The following ZNF727 variants were observed in gnomAD, a reference collection of about 807,000 sequenced individuals.
The protein encoded by ZNF727 is zinc finger protein 727.
Under a neutral mutation model 11.5 loss-of-function variants are expected in ZNF727, and 11 were observed. The observed-to-expected ratio is 0.95, with a 90% confidence interval of 0.60 to 1.58. The LOEUF (loss-of-function observed/expected upper bound fraction) is 1.58. ZNF727 is among the 40% of genes most tolerant of loss of function. ZNF727 has a pLI of 0.00. For synonymous variants in ZNF727, 171 were observed against 196.1 expected, an observed-to-expected ratio of 0.87 and a Z score of 1.07; for missense variants, 533 against 581.7, an observed-to-expected ratio of 0.92 and a Z score of 0.86.
chr7:64,046,978 G>GGT (rs1789518072), intron 1 of ZNF727, among the ~76,000 whole-genome samples: 3 of 148,044 alleles, frequency 2.0e-5, no homozygotes, highest in African/African-American at 5.0e-5. Flanking sequence ...TAAGTTTTGT[G>GGT]TTTTTTTTTT....
chr7:64,084,429 T>C lies in ZNF727; in HGVS notation c.*5880T>C, dbSNP rs953893616. Among the ~76,000 whole-genome samples, 3 of 152,204 alleles carry C rather than the reference T, an allele frequency of 2.0e-5. No individual in the cohort carries two copies. Among genetic ancestry groups the C allele is most frequent in the African/African-American group, 4.8e-5 (2 of 41,468 alleles). ...GTATCTTGCCACTGATGTTAACTTA[T>C]CCCATCTTACCCAAGGTTGTAGGTC... On this transcript the variant is annotated 3_prime_UTR_variant, in exon 4 of 4. Transcript: ENST00000456806.
chr7:64,058,141 C>T (rs111273980), intron 1 of ZNF727, among the ~76,000 whole-genome samples: 13,991 of 152,208 alleles, frequency 0.092, 829 homozygotes, highest in African/African-American at 0.16. Flanking sequence ...GTGAGTTACT[C>T]AGCATGTGTC....
At chr7:64,047,925 G>A (rs939578263) in intron 1 of ZNF727, among the ~76,000 whole-genome samples, 3 of 152,212 alleles carry the variant, frequency 2.0e-5, no homozygotes, top group African/African-American at 7.2e-5. Context: ...GTGAGGGCGT[G>A]TATAAATTTG....
chr7:64,069,679 G>T, intron 3 of ZNF727, 70 bp downstream of exon 3: 1 of 1,202,438 alleles, frequency 8.3e-7, no homozygotes, highest in South Asian at 1.4e-5. Flanking sequence ...GCCAGACCTT[G>T]AAACATGCTT....
Position 64,052,378 on chromosome 7 carries a change from CTTTTT to C in ZNF727, c.3+6771_3+6775del, listed in dbSNP as rs56215284. Among the ~76,000 whole-genome samples the C allele has an allele frequency of 2.6e-3, 335 of 130,350 alleles. 1 individual carries two copies. Among genetic ancestry groups the C allele is most frequent in the African/African-American group, 5.6e-3 (194 of 34,896 alleles). 85.5% of individuals were successfully genotyped at this position (130,350 alleles called of 152,430 possible). ...GAGTTCCCCTGGACAATTTCTCTCT[CTTTTT>C]TTTTTTTTTTTTTTTTGCCTGCTGC... On this transcript the variant is annotated intron_variant, in intron 1 of 3. Transcript: ENST00000456806.
In ZNF727 at chr7:64,080,897, T is replaced by TGTTTTTG; in HGVS notation, c.*2348_*2349insGTTTTTG. 6.6e-6 allele frequency among the ~76,000 whole-genome samples: 1 copy of TGTTTTTG among 151,976 alleles called. No homozygotes were observed. The highest frequency in any genetic ancestry group is 2.4e-5 in the African/African-American group (1 of 41,364). ...GTTTTTTGTTTTTTGTTTTTGTTTT[T>TGTTTTTG]TTTTTTGTGGTGGTGGAGGGGGCAA... On this transcript the variant is annotated 3_prime_UTR_variant, in exon 4 of 4. Transcript: ENST00000456806.
Position 64,079,188 on chromosome 7 carries a change from C to T in ZNF727, c.*639C>T, listed in dbSNP as rs150121810. On this transcript the variant is annotated 3_prime_UTR_variant, in exon 4 of 4. Transcript: ENST00000456806. ...GAAGAATGTGGCAAAGTATTGAGCT[C>T]GTTCTCACACGTCATTAGACATAAG... Among the ~76,000 whole-genome samples, 654 of 152,262 alleles carry T rather than the reference C, an allele frequency of 4.3e-3. 4 individuals are homozygous for T. Among genetic ancestry groups the T allele is most frequent in the African/African-American group, 0.015 (617 of 41,546 alleles).
rs572800871 is a variant in ZNF727, at chr7:64,077,908, A to G, written c.859A>G (p.Lys287Glu). Reference sequence around the variant, plus strand: ...TACTGGAGAGAAACCCTACAAATGTAAAGAATGTCACAAAGCCTTTAGGTG... The same window carrying G: ...TACTGGAGAGAAACCCTACAAATGTGAAGAATGTCACAAAGCCTTTAGGTG... ...IHTGEKPYKC[K>E]ECHKAFRCCS... is the part of the protein sequence containing the mutation. The change falls in exon 4 of 4, where the codon AAA becomes GAA. Residue 287 changes from lysine to glutamate, a missense_variant. Physicochemically the swap from Lys to Glu is moderately conservative, Grantham distance 56. Transcript: ENST00000456806. The G allele has an allele frequency of 3.8e-6, 6 of 1,584,832 alleles. 1 individual carries two copies. Among genetic ancestry groups the G allele is most frequent in the African/African-American group, 1.4e-5 (1 of 73,788 alleles).
chr7:64,068,768 AT>A, intron 1 of ZNF727, 122 bp from the exon 2 acceptor site: 2 of 1,135,122 alleles, frequency 1.8e-6, no homozygotes, highest in Non-Finnish European at 2.5e-6. Flanking sequence ...GCTAGAAAGT[AT>A]CCTATTGGAT....
At chr7:64,066,522 G>A (rs1029769303) in intron 1 of ZNF727, among the ~76,000 whole-genome samples, 4 of 152,082 alleles carry the variant, frequency 2.6e-5, no homozygotes, top group African/African-American at 7.2e-5. Context: ...TCTGATCTTC[G>A]ATAAACCTGA....
intron 1 of ZNF727, among the ~76,000 whole-genome samples, chr7:64,063,482 T>C (rs577501121): frequency 6.9e-6 from 1 of 144,104 alleles, no homozygotes; most frequent in South Asian, 2.1e-4. Flanking sequence ...AAATGGAATC[T>C]CTCTCTCTCT....
At chr7:64,076,644 G>A (rs2116327081) in intron 3 of ZNF727, among the ~76,000 whole-genome samples, 1 of 152,264 alleles carries the variant, frequency 6.6e-6, no homozygotes, top group Admixed American at 6.5e-5. Context: ...TCTCTTCTGA[G>A]AATGTGCCAT....
intron 1 of ZNF727, among the ~76,000 whole-genome samples, chr7:64,057,166 C>T (rs1221821207): frequency 6.6e-6 from 1 of 151,890 alleles, no homozygotes; most frequent in African/African-American, 2.4e-5. Flanking sequence ...GAGCATGAAA[C>T]ACTTATGATT....
chr7:64,045,849 C>T (rs1789494036), intron 1 of ZNF727, among the ~76,000 whole-genome samples: 1 of 152,154 alleles, frequency 6.6e-6, no homozygotes, highest in South Asian at 2.1e-4. Context: ...CTTTCCAGCC[C>T]AGAGACTTTT....
chr7:64,071,154 T>C (rs199769046), intron 3 of ZNF727, among the ~76,000 whole-genome samples: 2 of 152,100 alleles, frequency 1.3e-5, no homozygotes, highest in African/African-American at 4.8e-5. Flanking sequence ...AATTGTACAA[T>C]AGTACTATTA....
rs978662 is a variant in ZNF727 at position 64,085,269 on chromosome 7, A to G, written c.*6720A>G. Among the ~76,000 whole-genome samples, 95,414 of 151,486 alleles carry G rather than the reference A, an allele frequency of 0.63. 30,532 individuals are homozygous for G. The highest frequency in any genetic ancestry group is 0.68 in the Non-Finnish European group (46,275 of 67,770). ...GAGAATGCTATTTAATCCAATTTTC[A>G]TTTAGTTATTGATCATTTTACTTTG... On this transcript the variant is annotated 3_prime_UTR_variant, in exon 4 of 4. Transcript: ENST00000456806.
At position 64,077,993 on chromosome 7, in the gene ZNF727, A is replaced by G; in HGVS notation, c.944A>G (p.Asn315Ser). The stretch of plus-strand genomic sequence containing the variant: ...ACTGGAGAGAAACCCTACAAATGTA[A>G]TGAATGTGGAAAAGCTTTTATGTGG... ...IHTGEKPYKC[N>S]ECGKAFMWIS... Residue 315 changes from asparagine to serine, a missense_variant, in exon 4 of 4, where the codon AAT (asparagine) becomes AGT (serine). Coordinates refer to ENST00000456806, the MANE Select transcript of ZNF727 (RefSeq NM_001159522.3). 1 of 1,603,582 alleles carries G rather than the reference A, an allele frequency of 6.2e-7. No homozygotes were observed. The highest frequency in any genetic ancestry group is 1.3e-5 in the African/African-American group (1 of 74,658).
intron 3 of ZNF727, among the ~76,000 whole-genome samples, chr7:64,076,712 T>G (rs1785663687): frequency 6.6e-6 from 1 of 152,216 alleles, no homozygotes; most frequent in Non-Finnish European, 1.5e-5. Flanking sequence ...CTAGATGGTT[T>G]GCAATTCTGT....
At chr7:64,062,155 A>AT (rs949355756) in intron 1 of ZNF727, among the ~76,000 whole-genome samples, 2 of 151,972 alleles carry the variant, frequency 1.3e-5, no homozygotes, top group African/African-American at 2.4e-5. Context: ...AGAAAGAGTT[A>AT]TTTTTTTTAA....
Sources: allele counts gnomAD v4.1 joint callset (sites outside exome capture counted in the v4.1 genomes callset), GRCh38; gene constraint gnomAD v4.1.1; transcripts MANE v1.5; gene names NCBI Gene and HGNC (gene_info 2026-07-23, HGNC 2026-07-21).